The following PKIB variants were observed in gnomAD, a reference collection of about 807,000 sequenced individuals.
PKIB encodes the protein cAMP-dependent protein kinase inhibitor beta, also known as PKI-beta.
In PKIB, 2 loss-of-function variants were observed where a neutral mutation model predicts 4.5. The ratio of observed to expected loss-of-function variants is 0.44; its 90% CI spans 0.18 to 1.39. The LOEUF (loss-of-function observed/expected upper bound fraction) is 1.39. PKIB is among the 40% of genes most tolerant of loss of function. PKIB has a pLI of 0.27. For synonymous variants in PKIB, 38 were observed against 36.0 expected, an observed-to-expected ratio of 1.06 and a Z score of -0.20; for missense variants, 94 against 92.6, an observed-to-expected ratio of 1.02 and a Z score of -0.06.
chr6:122,701,636 A>G, intron 3 of PKIB: 1 of 992,332 alleles, frequency 1.0e-6, no homozygotes, highest in South Asian at 1.6e-5. Flanking sequence ...CTTGCCAAAT[A>G]ACTCAGAACC....
At chr6:122,702,023 A>G (rs541329878) in intron 3 of PKIB, among the ~76,000 whole-genome samples, 1 of 151,642 alleles carries the variant, frequency 6.6e-6, no homozygotes, top group Admixed American at 6.6e-5. Flanking sequence ...GACATGCTCA[A>G]TAAAAGGGTA....
chr6:122,506,384 T>A (rs997766173), intron 2 of PKIB, among the ~76,000 whole-genome samples: 2 of 152,142 alleles, frequency 1.3e-5, no homozygotes, highest in African/African-American at 4.8e-5. Context: ...TTATATATAT[T>A]TTTAAACCCG....
At chr6:122,648,737 A>AC (rs1339811321) in intron 2 of PKIB, among the ~76,000 whole-genome samples, 1 of 152,228 alleles carries the variant, frequency 6.6e-6, no homozygotes, top group Non-Finnish European at 1.5e-5. Context: ...ACAAAGCAGC[A>AC]CTTTTTCCAA....
At chr6:122,520,227 A>T (rs1456775365) in intron 2 of PKIB, among the ~76,000 whole-genome samples, 2 of 152,184 alleles carry the variant, frequency 1.3e-5, no homozygotes, top group East Asian at 1.9e-4. Flanking sequence ...TGCAAACTAG[A>T]TTATAAGCTC....
rs142282338 is a variant in PKIB, at chr6:122,587,200, C to A, written c.-161+1193C>A. On this transcript the variant is annotated intron_variant, in intron 3 of 6. Coordinates refer to the PKIB transcript ENST00000392491. ...CGTCCTCCCACTCCACAATAGGCCC[C>A]GGTATGTGATGTTCCCCTTCCTGTG... Among the ~76,000 whole-genome samples, 307 of 152,076 alleles carry A rather than the reference C, an allele frequency of 2.0e-3. 7 individuals carry two copies. The East Asian group carries it at 0.041, about 20-fold the overall frequency.
chr6:122,598,256 T>C (rs1194151733), intron 3 of PKIB, among the ~76,000 whole-genome samples: 1 of 152,190 alleles, frequency 6.6e-6, no homozygotes, highest in Non-Finnish European at 1.5e-5. Context: ...AAGTTTTCTG[T>C]TTGTAAAATT....
chr6:122,524,789 A>T (rs2114607093), intron 2 of PKIB, among the ~76,000 whole-genome samples: 1 of 151,890 alleles, frequency 6.6e-6, no homozygotes, highest in African/African-American at 2.4e-5. Flanking sequence ...ATTCTTTTAC[A>T]ATTTTAAATA....
intron 2 of PKIB, among the ~76,000 whole-genome samples, chr6:122,495,553 G>C (rs1212694431): frequency 1.3e-5 from 2 of 152,028 alleles, no homozygotes; most frequent in Non-Finnish European, 2.9e-5. Context: ...TGGCCCTTCA[G>C]GAGTCATATA....
At chr6:122,681,441 G>T (rs1223117868) in intron 3 of PKIB, among the ~76,000 whole-genome samples, 1 of 152,046 alleles carries the variant, frequency 6.6e-6, no homozygotes, top group Non-Finnish European at 1.5e-5. Flanking sequence ...AATAAACTGA[G>T]TTTTGCTCAT....
At chr6:122,608,643 G>A (rs114182103), upstream of PKIB, among the ~76,000 whole-genome samples, 322 of 152,186 alleles carry the variant, frequency 2.1e-3, 3 homozygotes, top group African/African-American at 7.3e-3. Context: ...ATTTCAAAAC[G>A]GCCTGTAGAG....
intron 2 of PKIB, among the ~76,000 whole-genome samples, chr6:122,509,401 C>G (rs1936376789): frequency 6.6e-6 from 1 of 151,492 alleles, no homozygotes. Context: ...TAAAGTTTAA[C>G]AATTTGTATA....
chr6:122,543,348 C>A (rs551667774), intron 2 of PKIB, among the ~76,000 whole-genome samples: 1 of 151,000 alleles, frequency 6.6e-6, no homozygotes, highest in African/African-American at 2.5e-5. Flanking sequence ...CTTGGCCCCA[C>A]CCCCTCCTTT....
At chr6:122,681,325 A>G (rs1777887787) in intron 3 of PKIB, among the ~76,000 whole-genome samples, 2 of 152,230 alleles carry the variant, frequency 1.3e-5, no homozygotes, top group African/African-American at 4.8e-5. Flanking sequence ...GAATTAATAC[A>G]TTCATAAGTG....
rs565519595 is a variant in PKIB at position 122,599,661 on chromosome 6, T to C, written c.-161+13654T>C. The stretch of plus-strand genomic sequence containing the variant: ...CCAGCTTCATTATGTTCCTTGGTTC[T>C]CCACATATGGTCAAAAGTATTATGT... On this transcript the variant is annotated intron_variant, in intron 3 of 6. Transcript: ENST00000392491. Among the ~76,000 whole-genome samples the C allele has an allele frequency of 3.3e-5, 5 of 152,302 alleles. No individual in the cohort carries two copies. In the East Asian group the frequency reaches 7.7e-4, roughly 24 times the overall value.
At position 122,675,548 on chromosome 6, in the gene PKIB, T is replaced by C. The variant is rs552626680; in HGVS notation, c.-9+404T>C. On this transcript the variant is annotated intron_variant, in intron 3 of 4. Transcript: ENST00000368452. The stretch of plus-strand genomic sequence containing the variant: ...GAAATAGTATTCTGTTAAAAGTTAA[T>C]ATGGCTTTTCTATGACCACTTTTGG... 2.6e-5 allele frequency among the ~76,000 whole-genome samples: 4 copies of C among 152,316 alleles called. No homozygotes were observed. The East Asian group carries it at 5.8e-4, about 22-fold the overall frequency.
chr6:122,484,196 A>G (rs1366004035), intron 2 of PKIB: 2 of 151,890 alleles, frequency 1.3e-5, no homozygotes, highest in Non-Finnish European at 2.9e-5. Context: ...AGAAAAAAAA[A>G]ACCACTCTTG....
chr6:122,627,651 C>T (rs1775511685), intron 1 of PKIB, among the ~76,000 whole-genome samples: 1 of 152,178 alleles, frequency 6.6e-6, no homozygotes, highest in Non-Finnish European at 1.5e-5. Flanking sequence ...ATTCTTTTGA[C>T]ATCTTTCACA....
chr6:122,667,153 T>C (rs1258891253), intron 2 of PKIB, among the ~76,000 whole-genome samples: 2 of 152,232 alleles, frequency 1.3e-5, no homozygotes, highest in East Asian at 3.8e-4. Flanking sequence ...CGTCTATGTA[T>C]GTAACAATAC....
At chr6:122,638,345 T>C (rs1474019305) in intron 2 of PKIB, among the ~76,000 whole-genome samples, 1 of 152,210 alleles carries the variant, frequency 6.6e-6, no homozygotes, top group Non-Finnish European at 1.5e-5. Flanking sequence ...CCAGGCCATA[T>C]TAGCATAATT....
Sources: allele counts gnomAD v4.1 joint callset (sites outside exome capture counted in the v4.1 genomes callset), GRCh38; gene constraint gnomAD v4.1.1; transcripts MANE v1.5; gene names NCBI Gene and HGNC (gene_info 2026-07-23, HGNC 2026-07-21).